Variants in TOGARAM1 observed in about 807,000 individuals in gnomAD.
TOGARAM1 encodes the protein TOG array regulator of axonemal microtubules 1.
TOGARAM1 carries 100 observed loss-of-function variants against 166.6 expected under a neutral mutation model. The ratio of observed to expected loss-of-function variants is 0.60; its 90% CI spans 0.51 to 0.71. TOGARAM1 has a LOEUF of 0.71. Among genes scored for constraint, TOGARAM1 ranks in the 30% least tolerant of loss-of-function variants. TOGARAM1 has a pLI of 0.00. For synonymous variants in TOGARAM1, 758 were observed against 763.8 expected, an observed-to-expected ratio of 0.99 and a Z score of 0.13; for missense variants, 2,029 against 2,102.7, an observed-to-expected ratio of 0.96 and a Z score of 0.69.
intron 1 of TOGARAM1, among the ~76,000 whole-genome samples, chr14:44,990,953 CT>C (rs1171702041): frequency 1.6e-3 from 118 of 74,180 alleles, no homozygotes; most frequent in African/African-American, 4.5e-3. Context: ...CCAGCTGAGG[CT>C]TTTTTTTTTT....
At chr14:45,016,508 C>T (rs951360492) in intron 7 of TOGARAM1, among the ~76,000 whole-genome samples, 1 of 152,124 alleles carries the variant, frequency 6.6e-6, no homozygotes, top group South Asian at 2.1e-4. Flanking sequence ...GGTGAAACAC[C>T]GTGCTCAATT....
intron 1 of TOGARAM1, among the ~76,000 whole-genome samples, chr14:44,972,688 T>G (rs1005346218): frequency 1.3e-5 from 2 of 152,178 alleles, no homozygotes; most frequent in Admixed American, 6.5e-5. Flanking sequence ...TAGCTACTCT[T>G]GATTTCTTTT....
intron 1 of TOGARAM1, among the ~76,000 whole-genome samples, chr14:44,992,665 T>C (rs1594631076): frequency 7.0e-6 from 1 of 142,998 alleles, no homozygotes; most frequent in Non-Finnish European, 1.5e-5. Flanking sequence ...CCTCCCAGGC[T>C]GGAGTGCAGT....
intron 4 of TOGARAM1, among the ~76,000 whole-genome samples, chr14:45,005,484 C>T (rs557917627): frequency 9.1e-4 from 138 of 152,132 alleles, no homozygotes; most frequent in Non-Finnish European, 1.7e-3. Flanking sequence ...GCTGATGGCA[C>T]GTGCCTGTAA....
chr14:45,047,323 C>T (rs1298979586), intron 14 of TOGARAM1, among the ~76,000 whole-genome samples: 1 of 148,794 alleles, frequency 6.7e-6, no homozygotes, highest in Non-Finnish European at 1.5e-5. Context: ...ACCCGGGAGG[C>T]GGAGGTTGCA....
chr14:45,044,836 C>G lies in TOGARAM1; in HGVS notation c.4120C>G (p.Arg1374Gly). Residue 1374 changes from arginine to glycine, a missense_variant, in exon 13 of 20, where the codon CGT becomes GGT. Transcript: ENST00000361462. ...TATGGTTAATAATGTAACTCCTGCA[C>G]GTGCAGTTGTTTCTCTTATCAATGG... ...RAMVNNVTPARAVVSLINGGQ... is the reference protein window; with the variant it reads ...RAMVNNVTPAGAVVSLINGGQ... The G allele has an allele frequency of 6.2e-7, 1 of 1,613,128 alleles. No individual in the cohort carries two copies. Among genetic ancestry groups the G allele is most frequent in the Non-Finnish European group, 8.5e-7 (1 of 1,179,590 alleles).
chr14:45,000,085 G>A (rs1307734936), intron 3 of TOGARAM1, among the ~76,000 whole-genome samples: 4 of 151,818 alleles, frequency 2.6e-5, no homozygotes, highest in African/African-American at 4.8e-5. Context: ...CTCCGCCCCT[G>A]CCCCCGGGTT....
rs1398455059 is a variant in TOGARAM1 at position 45,071,819 on chromosome 14, A to G, written c.5056+21A>G. 9 of 1,561,280 alleles carry G rather than the reference A, an allele frequency of 5.8e-6. 1 individual carries two copies. Among genetic ancestry groups the G allele is most frequent in the African/African-American group, 1.4e-5 (1 of 72,842 alleles). On this transcript the variant is annotated intron_variant, in intron 19 of 19. Coordinates refer to ENST00000361462, the MANE Select transcript of TOGARAM1 (RefSeq NM_001308120.2). ...TGCTGGTAAATACTTTGTAATTTCTAAAGAAATATTTTATTAACTAAGGAT... is the reference window on the plus strand; with the variant it reads ...TGCTGGTAAATACTTTGTAATTTCTGAAGAAATATTTTATTAACTAAGGAT...
At chr14:45,042,195 T>C (rs1157060824) in intron 11 of TOGARAM1, 1 of 152,012 alleles carries the variant, frequency 6.6e-6, no homozygotes, top group Admixed American at 6.6e-5. Flanking sequence ...CATCACCGGT[T>C]TCCATGCTTG....
Position 44,963,229 on chromosome 14 carries a change from G to A in TOGARAM1, c.808G>A (p.Glu270Lys), listed in dbSNP as rs1296073264. The part of the protein sequence containing the change: ...LARKLGDQET[E>K]EESETAFSAL... ...CCGAAAGCTTGGTGATCAGGAGACA[G>A]AAGAAGAATCTGAGACAGCTTTCTC... Residue 270 changes from glutamate (E) to lysine (K), a missense_variant, in exon 1 of 20, where the codon GAA (glutamate) becomes AAA (lysine). Glu to Lys is a moderately conservative substitution (Grantham distance 56, BLOSUM62 1). Around this residue, in one of 2 missense-constraint regions of TOGARAM1, gnomAD observed 1,453 missense variants for 1,432.2 expected, o/e 1.01. Transcript: ENST00000361462. 1 of 1,614,192 alleles carries A rather than the reference G, an allele frequency of 6.2e-7. No homozygotes were observed. The highest frequency in any genetic ancestry group is 1.7e-5 in the Admixed American group (1 of 60,020).
At chr14:45,021,348 G>C (rs188504686) in intron 7 of TOGARAM1, among the ~76,000 whole-genome samples, 24 of 150,680 alleles carry the variant, frequency 1.6e-4, no homozygotes, top group African/African-American at 4.4e-4. Context: ...ACTCCTATAT[G>C]ATGGGGCATC....
intron 4 of TOGARAM1, 71 bp from the exon 5 acceptor site, chr14:45,005,937 C>A: frequency 7.6e-7 from 1 of 1,310,772 alleles, no homozygotes; most frequent in Non-Finnish European, 1.0e-6. Context: ...GTATTTTAAG[C>A]ACTTGTGACT....
intron 13 of TOGARAM1, among the ~76,000 whole-genome samples, chr14:45,045,702 T>C (rs1475257244): frequency 7.8e-6 from 1 of 127,720 alleles, no homozygotes; most frequent in African/African-American, 3.1e-5. Flanking sequence ...CACATATATA[T>C]GTGTATATAT....
chr14:45,056,320 A>G (rs189183640), intron 16 of TOGARAM1, among the ~76,000 whole-genome samples: 78 of 152,250 alleles, frequency 5.1e-4, no homozygotes, highest in Middle Eastern at 3.4e-3. Flanking sequence ...ATCATCAGCA[A>G]ACAGGGATAA....
At chr14:45,001,200 T>C (rs577102439) in intron 3 of TOGARAM1, among the ~76,000 whole-genome samples, 1 of 152,382 alleles carries the variant, frequency 6.6e-6, no homozygotes, top group South Asian at 2.1e-4. Context: ...TGATATCTTA[T>C]TGTGGTTTTG....
chr14:45,066,190 G>A (rs1883130238), intron 16 of TOGARAM1, among the ~76,000 whole-genome samples: 1 of 152,116 alleles, frequency 6.6e-6, no homozygotes, highest in African/African-American at 2.4e-5. Flanking sequence ...TTTCACATAT[G>A]TTGTCATAAC....
chr14:45,028,151 T>G, intron 9 of TOGARAM1, 25 bp from the exon 10 acceptor site: 1 of 1,550,390 alleles, frequency 6.4e-7, no homozygotes, highest in Non-Finnish European at 8.7e-7. Context: ...CTGAATATTT[T>G]CAGACTTTCA....
intron 7 of TOGARAM1, among the ~76,000 whole-genome samples, chr14:45,023,663 A>G (rs1426987758): frequency 6.6e-6 from 1 of 152,222 alleles, no homozygotes; most frequent in Non-Finnish European, 1.5e-5. Context: ...TGACATATAA[A>G]GAAAAGTCTT....
intron 16 of TOGARAM1, among the ~76,000 whole-genome samples, chr14:45,061,798 T>C (rs537651989): frequency 5.3e-5 from 8 of 152,228 alleles, no homozygotes; most frequent in African/African-American, 1.7e-4. Flanking sequence ...GTATCTATAA[T>C]CATGAGGTCT....
Sources: allele counts gnomAD v4.1 joint callset (sites outside exome capture counted in the v4.1 genomes callset), GRCh38; gene constraint gnomAD v4.1.1; regional missense constraint gnomAD v4.1.1; transcripts MANE v1.5; gene names NCBI Gene and HGNC (gene_info 2026-07-23, HGNC 2026-07-21).